The following DYSF variants were observed in gnomAD, a reference collection of about 807,000 sequenced individuals.
DYSF encodes dysferlin, also known as dystrophy-associated fer-1-like 1.
In DYSF, 212 loss-of-function variants were observed where a neutral mutation model predicts 274.9. The observed-to-expected ratio is 0.77, with a 90% CI of 0.69 to 0.86. DYSF has a LOEUF of 0.86. Ranked by LOEUF, DYSF falls within the 40% of genes least tolerant of loss-of-function variation. DYSF has a pLI of 0.00. For synonymous variants in DYSF, 1,091 were observed against 1,078.7 expected, an observed-to-expected ratio of 1.01 and a Z score of -0.22; for missense variants, 2,666 against 2,783.2, an observed-to-expected ratio of 0.96 and a Z score of 0.95.
intron 17 of DYSF, among the ~76,000 whole-genome samples, chr2:71,546,843 G>A (rs563911948): frequency 2.0e-5 from 3 of 152,364 alleles, no homozygotes; most frequent in South Asian, 2.1e-4. Flanking sequence ...GGGATGTGCC[G>A]AGAGGCAGAG....
chr2:71,453,881 C>G, exon 1 of DYSF: 4 of 1,009,576 alleles, frequency 4.0e-6, no homozygotes, highest in Non-Finnish European at 6.1e-6. Context: ...GAGATTCGAG[C>G]CGGCCTCGCC....
At chr2:71,560,901 T>C (rs1176396922) in intron 22 of DYSF, among the ~76,000 whole-genome samples, 2 of 151,698 alleles carry the variant, frequency 1.3e-5, no homozygotes, top group African/African-American at 2.4e-5. Context: ...CAGTGGAGAA[T>C]GGAAAATGGA....
intron 14 of DYSF, among the ~76,000 whole-genome samples, chr2:71,530,988 G>T (rs1047619374): frequency 6.6e-6 from 1 of 152,054 alleles, no homozygotes; most frequent in African/African-American, 2.4e-5. Flanking sequence ...ATAGGAGTGT[G>T]GGAGAGTGTG....
intron 1 of DYSF, among the ~76,000 whole-genome samples, chr2:71,470,016 C>A (rs2081862528): frequency 6.6e-6 from 1 of 152,206 alleles, no homozygotes; most frequent in Non-Finnish European, 1.5e-5. Flanking sequence ...AGAACAAAAC[C>A]AGATCCCTAC....
At position 71,480,064 on chromosome 2, in the gene DYSF, G is replaced by A. The variant is rs1307786786; in HGVS notation, c.92-819G>A. Among the ~76,000 whole-genome samples the A allele has an allele frequency of 5.9e-5, 9 of 151,956 alleles. No individual in the cohort carries two copies. In the South Asian group the frequency reaches 6.2e-4, roughly 10 times the overall value. On this transcript the variant is annotated intron_variant, in intron 1 of 55. Coordinates refer to ENST00000410020, the MANE Select transcript of DYSF (RefSeq NM_001130987.2). Reference sequence around the variant, plus strand: ...AACCCTATACCCATTAATCAATCACGTCCCCATTTCTATTTTCCCTTTCCC... The same window carrying A: ...AACCCTATACCCATTAATCAATCACATCCCCATTTCTATTTTCCCTTTCCC...
chr2:71,517,106 C>T, intron 10 of DYSF, 67 bp downstream of exon 10: 1 of 1,451,940 alleles, frequency 6.9e-7, no homozygotes, highest in Non-Finnish European at 9.7e-7. Context: ...CCTCTGTGGA[C>T]CATGGGCAGG....
At chr2:71,574,965 C>T (rs891164005) in intron 30 of DYSF, among the ~76,000 whole-genome samples, 3 of 152,160 alleles carry the variant, frequency 2.0e-5, no homozygotes, top group African/African-American at 7.2e-5. Context: ...ACAGTCTGAG[C>T]GAGCACTCGG....
chr2:71,562,979 A>C (rs1478463646), intron 23 of DYSF, among the ~76,000 whole-genome samples: 1 of 152,190 alleles, frequency 6.6e-6, no homozygotes, highest in Non-Finnish European at 1.5e-5. Flanking sequence ...TGTCACTGTA[A>C]GGGCCCCGTG....
chr2:71,466,766 G>T lies in DYSF; in HGVS notation c.-77G>T, dbSNP rs1445022084. On this transcript the variant is annotated 5_prime_UTR_variant, in exon 1 of 56. Coordinates refer to ENST00000410020, the MANE Select transcript of DYSF (RefSeq NM_001130987.2). Reference sequence around the variant, plus strand: ...GCGGCTGCCTGGGAGCCGGGCGCTTGCTGGGTGGGTGCTCGGGCCCGGTGC... The same window carrying T: ...GCGGCTGCCTGGGAGCCGGGCGCTTTCTGGGTGGGTGCTCGGGCCCGGTGC... 3 of 1,417,912 alleles carry T rather than the reference G, an allele frequency of 2.1e-6. No individual in the cohort carries two copies. Among genetic ancestry groups the T allele is most frequent in the Admixed American group, 5.4e-5 (2 of 36,958 alleles). 87.8% of individuals were successfully genotyped at this position (1,417,912 alleles called of 1,614,324 possible).
chr2:71,535,592 G>A (rs2089254636), intron 16 of DYSF, among the ~76,000 whole-genome samples: 3 of 152,080 alleles, frequency 2.0e-5, no homozygotes, highest in Non-Finnish European at 2.9e-5. Flanking sequence ...GTGATGGCCC[G>A]GCAGGAGGGG....
intron 3 of DYSF, among the ~76,000 whole-genome samples, chr2:71,497,704 T>C (rs193176100): frequency 4.6e-5 from 7 of 152,172 alleles, no homozygotes; most frequent in African/African-American, 1.4e-4. Context: ...AATAATGAGA[T>C]GAAGATGAAC....
chr2:71,676,936 T>C (rs565015079), intron 52 of DYSF, among the ~76,000 whole-genome samples: 1 of 152,012 alleles, frequency 6.6e-6, no homozygotes, highest in South Asian at 2.1e-4. Flanking sequence ...TGTATGTGTG[T>C]GTGTGTGTGT....
rs1462658639 is a variant in DYSF, at chr2:71,572,159, C to T, written c.3228+1418C>T. Among the ~76,000 whole-genome samples, 4 of 135,026 alleles carry T rather than the reference C, an allele frequency of 3.0e-5. No homozygotes were observed. The Admixed American group carries it at 3.0e-4, about 10-fold the overall frequency. The allele number at this position is 135,026 out of a possible 152,430, so 88.6% of individuals were successfully genotyped here. A position where few individuals can be genotyped will look rare whatever the true frequency, so the allele number is the denominator to read the frequency against. On this transcript the variant is annotated intron_variant, in intron 29 of 55. Coordinates refer to ENST00000410020, the MANE Select transcript of DYSF (RefSeq NM_001130987.2). The stretch of plus-strand genomic sequence containing the variant: ...ACCCAGCACACCCACAGATCACACC[C>T]AGCATGGATCACACCCAGCACACCC...
At position 71,535,001 on chromosome 2, in the gene DYSF, C is replaced by T. The variant is rs776806053; in HGVS notation, c.1381-20C>T. The T allele has an allele frequency of 3.7e-6, 6 of 1,613,996 alleles. No individual in the cohort carries two copies. The highest frequency in any genetic ancestry group is 3.3e-4 in the Middle Eastern group (2 of 6,062). The stretch of plus-strand genomic sequence containing the variant: ...TCCCCATGGAGCTTGATCAACTTGT[C>T]CCCTCCCTGTGTCTTCTAGCTGTGC... On this transcript the variant is annotated intron_variant, in intron 14 of 55. Transcript: ENST00000410020.
At chr2:71,530,690 C>T (rs2088593499) in intron 14 of DYSF, among the ~76,000 whole-genome samples, 1 of 152,212 alleles carries the variant, frequency 6.6e-6, no homozygotes, top group African/African-American at 2.4e-5. Flanking sequence ...CCTGGCCAGC[C>T]TCCTCGGTGG....
intron 41 of DYSF, among the ~76,000 whole-genome samples, chr2:71,631,668 G>C (rs2152909240): frequency 6.6e-6 from 1 of 152,264 alleles, no homozygotes; most frequent in African/African-American, 2.4e-5. Flanking sequence ...GGAGTAATTG[G>C]TTATTTGCTG....
intron 22 of DYSF, among the ~76,000 whole-genome samples, chr2:71,560,074 C>T (rs1303753032): frequency 2.0e-5 from 3 of 152,216 alleles, no homozygotes; most frequent in Admixed American, 6.5e-5. Context: ...TGGCGGGGCC[C>T]CTGGCTTTGC....
At chr2:71,474,096 T>C (rs2082232499) in intron 1 of DYSF, among the ~76,000 whole-genome samples, 1 of 151,996 alleles carries the variant, frequency 6.6e-6, no homozygotes, top group Non-Finnish European at 1.5e-5. Flanking sequence ...CTGGCTAATT[T>C]TGTATTTTTA....
intron 32 of DYSF, among the ~76,000 whole-genome samples, chr2:71,593,484 A>G (rs2093329823): frequency 6.6e-6 from 1 of 152,102 alleles, no homozygotes; most frequent in African/African-American, 2.4e-5. Context: ...CTTTGTGAAC[A>G]TCTGTTGTAT....
Sources: gnomAD v4.1 joint callset for allele counts (sites outside exome capture counted in the v4.1 genomes callset) on GRCh38, gnomAD v4.1.1 for gene constraint, MANE v1.5 for transcripts, NCBI Gene and HGNC (gene_info 2026-07-23, HGNC 2026-07-21) for gene names.